The following SHISA9 variants were observed in gnomAD, a reference collection of about 807,000 sequenced individuals.
SHISA9 encodes the protein protein shisa-9.
SHISA9 carries 13 observed loss-of-function variants against 38.0 expected under a neutral mutation model. The ratio of observed to expected loss-of-function variants is 0.34; its 90% CI spans 0.22 to 0.54. The LOEUF is 0.54. SHISA9 is among the 20% of genes least tolerant of loss of function. SHISA9 has a pLI of 0.91. For synonymous variants in SHISA9, 275 were observed against 242.0 expected, an observed-to-expected ratio of 1.14 and a Z score of -1.27; for missense variants, 538 against 575.8, an observed-to-expected ratio of 0.93 and a Z score of 0.67.
At chr16:13,408,895 C>T in the SHISA9 span, among the ~76,000 whole-genome samples, 17 of 152,122 alleles carry the variant, frequency 1.1e-4, no homozygotes, top group Non-Finnish European at 1.9e-4. Context: ...AGAAGAGGGC[C>T]GTTTCCCGGC....
At chr16:13,037,354 G>A in intron 2 of SHISA9, among the ~76,000 whole-genome samples, 1 of 151,878 alleles carries the variant, frequency 6.6e-6, no homozygotes, top group Non-Finnish European at 1.5e-5. Flanking sequence ...TTGTCAGGAA[G>A]CTTTTTTTTT....
At chr16:13,389,000 T>C in the SHISA9 span, among the ~76,000 whole-genome samples, 3 of 152,158 alleles carry the variant, frequency 2.0e-5, no homozygotes, top group Admixed American at 6.5e-5. Flanking sequence ...CTCTGTCCTA[T>C]ACACGCATAG....
At chr16:13,384,550 A>G in the SHISA9 span, among the ~76,000 whole-genome samples, 2 of 152,194 alleles carry the variant, frequency 1.3e-5, no homozygotes, top group African/African-American at 2.4e-5. Flanking sequence ...TTTCTCTACC[A>G]AGAGCCAGGA....
the SHISA9 span, among the ~76,000 whole-genome samples, chr16:13,494,788 C>T: frequency 3.3e-5 from 5 of 152,012 alleles, no homozygotes; most frequent in Non-Finnish European, 5.9e-5. Flanking sequence ...CAGTGAATAC[C>T]AGAAAATCCC....
chr16:13,302,596 C>A, the SHISA9 span, among the ~76,000 whole-genome samples: 1 of 152,202 alleles, frequency 6.6e-6, no homozygotes, highest in Non-Finnish European at 1.5e-5. Flanking sequence ...CTGTGCCACT[C>A]CTGCTTCCTT....
chr16:13,273,070 T>C, the SHISA9 span, among the ~76,000 whole-genome samples: 1 of 152,162 alleles, frequency 6.6e-6, no homozygotes, highest in African/African-American at 2.4e-5. Flanking sequence ...TTCATCAGAA[T>C]TGGTACATTT....
chr16:13,197,712 T>A (rs1170241594), intron 2 of SHISA9: 1 of 152,030 alleles, frequency 6.6e-6, no homozygotes, highest in Admixed American at 6.6e-5. Flanking sequence ...TTTCGAAGGG[T>A]CGTAATGAGT....
At chr16:12,975,050 T>C (rs1319604031) in intron 2 of SHISA9, among the ~76,000 whole-genome samples, 1 of 152,160 alleles carries the variant, frequency 6.6e-6, no homozygotes, top group Non-Finnish European at 1.5e-5. Context: ...CTGACAAATA[T>C]TTGTTGAGCA....
chr16:13,007,422 C>T (rs1162154572), intron 2 of SHISA9, among the ~76,000 whole-genome samples: 3 of 152,220 alleles, frequency 2.0e-5, no homozygotes, highest in East Asian at 3.9e-4. Flanking sequence ...TTTCCCCACC[C>T]TCTTTGCACA....
chr16:13,182,504 G>C (rs1487620805), intron 2 of SHISA9, among the ~76,000 whole-genome samples: 1 of 152,168 alleles, frequency 6.6e-6, no homozygotes, highest in Non-Finnish European at 1.5e-5. Flanking sequence ...AAGGTATAAG[G>C]GTTCTATTTT....
chr16:13,016,701 A>C (rs1472036205), intron 2 of SHISA9, among the ~76,000 whole-genome samples: 1 of 152,218 alleles, frequency 6.6e-6, no homozygotes, highest in South Asian at 2.1e-4. Flanking sequence ...TTTCTGGCCT[A>C]TGACTATATT....
At chr16:13,502,661 G>T in the SHISA9 span, among the ~76,000 whole-genome samples, 1 of 152,084 alleles carries the variant, frequency 6.6e-6, no homozygotes, top group African/African-American at 2.4e-5. Context: ...GATCATTTGA[G>T]GTCAAAAGCT....
chr16:12,935,587 C>A (rs947703200), intron 2 of SHISA9, among the ~76,000 whole-genome samples: 3 of 152,136 alleles, frequency 2.0e-5, no homozygotes, highest in African/African-American at 7.2e-5. Flanking sequence ...GGGGCTCACG[C>A]TGGTAATCCC....
At chr16:13,477,901 G>A in the SHISA9 span, among the ~76,000 whole-genome samples, 1 of 152,148 alleles carries the variant, frequency 6.6e-6, no homozygotes, top group Non-Finnish European at 1.5e-5. Flanking sequence ...GGAGGTGGAG[G>A]TTGCAGTGAG....
chr16:13,481,519 A>G, the SHISA9 span, among the ~76,000 whole-genome samples: 1 of 152,132 alleles, frequency 6.6e-6, no homozygotes, highest in Admixed American at 6.5e-5. Flanking sequence ...CTTCCACCAC[A>G]GCCTCCTCTC....
At chr16:13,025,701 T>C (rs2072912126) in intron 2 of SHISA9, among the ~76,000 whole-genome samples, 1 of 152,268 alleles carries the variant, frequency 6.6e-6, no homozygotes, top group Non-Finnish European at 1.5e-5. Context: ...GGTCACATGC[T>C]GACCTCCTTC....
At chr16:13,114,065 C>T (rs1173699476) in intron 2 of SHISA9, among the ~76,000 whole-genome samples, 1 of 152,148 alleles carries the variant, frequency 6.6e-6, no homozygotes, top group African/African-American at 2.4e-5. Flanking sequence ...GACTGTTGAT[C>T]TAAGAGCACA....
chr16:13,047,138 C>T (rs894094677), intron 2 of SHISA9, among the ~76,000 whole-genome samples: 1 of 152,186 alleles, frequency 6.6e-6, no homozygotes, highest in African/African-American at 2.4e-5. Context: ...CTCCCCAGTT[C>T]TCAACTCTTT....
At chr16:12,963,265 T>A (rs781300919) in intron 2 of SHISA9, among the ~76,000 whole-genome samples, 4 of 152,210 alleles carry the variant, frequency 2.6e-5, no homozygotes, top group Non-Finnish European at 4.4e-5. Context: ...AGTGCATCTC[T>A]GCAGGACCCA....
Sources: gnomAD v4.1 joint callset for allele counts (sites outside exome capture counted in the v4.1 genomes callset) on GRCh38, gnomAD v4.1.1 for gene constraint, MANE v1.5 for transcripts, NCBI Gene and HGNC (gene_info 2026-07-23, HGNC 2026-07-21) for gene names.